The following ELP4 variants were observed in gnomAD, a reference collection of about 807,000 sequenced individuals.
ELP4 encodes elongator acetyltransferase complex subunit 4.
A neutral mutation model predicts 48.9 loss-of-function variants in ELP4; 51 were observed. That is an observed-to-expected ratio of 1.04 (90% CI 0.83 to 1.32). The LOEUF (loss-of-function observed/expected upper bound fraction) is 1.32. Ranked by LOEUF, ELP4 falls within the 40% of genes most tolerant of loss-of-function variation. The pLI is 0.00. For missense variants in ELP4, 519 were observed against 514.6 expected (o/e 1.01, Z -0.08); for synonymous variants, 210 against 189.2 (o/e 1.11, Z -0.90).
At chr11:31,751,728 CTTAA>C (rs1429048631) in intron 9 of ELP4, among the ~76,000 whole-genome samples, 2 of 152,148 alleles carry the variant, frequency 1.3e-5, no homozygotes, top group Admixed American at 6.5e-5. Context: ...ATGTCTAAAA[CTTAA>C]TTAATCGCCT....
chr11:31,540,964 T>C (rs980979952), intron 3 of ELP4, among the ~76,000 whole-genome samples: 2 of 152,242 alleles, frequency 1.3e-5, no homozygotes, highest in East Asian at 1.9e-4. Context: ...GAGGACACTT[T>C]TAACTTTTAG....
intron 5 of ELP4, among the ~76,000 whole-genome samples, chr11:31,608,864 C>G (rs1329439675): frequency 6.6e-6 from 1 of 152,050 alleles, no homozygotes; most frequent in African/African-American, 2.4e-5. Flanking sequence ...GCTGGCCCTG[C>G]TATCGATTAG....
intron 9 of ELP4, among the ~76,000 whole-genome samples, chr11:31,749,290 A>G (rs967726105): frequency 6.6e-6 from 1 of 152,262 alleles, no homozygotes; most frequent in Non-Finnish European, 1.5e-5. Context: ...AGTTTATGAA[A>G]GCATCAGAAA....
intron 9 of ELP4, among the ~76,000 whole-genome samples, chr11:31,712,828 T>C (rs551785133): frequency 1.8e-4 from 28 of 152,316 alleles, no homozygotes; most frequent in Admixed American, 1.5e-3. Context: ...TCTTTCTAAT[T>C]AGAATGTAAA....
intron 3 of ELP4, among the ~76,000 whole-genome samples, chr11:31,546,219 T>G (rs1213194466): frequency 6.6e-6 from 1 of 151,996 alleles, no homozygotes; most frequent in African/African-American, 2.4e-5. Flanking sequence ...GACCCATCAG[T>G]GTGCTGTATT....
At chr11:31,621,824 ACAGGCTTTT>A (rs374532758) in intron 5 of ELP4, among the ~76,000 whole-genome samples, 10 of 151,952 alleles carry the variant, frequency 6.6e-5, no homozygotes, top group African/African-American at 2.4e-4. Context: ...CCACATTACC[ACAGGCTTTT>A]CATTGAATCT....
chr11:31,657,858 T>TA (rs946640150), intron 9 of ELP4, among the ~76,000 whole-genome samples: 11 of 151,722 alleles, frequency 7.3e-5, no homozygotes, highest in East Asian at 1.9e-4. Flanking sequence ...TTATTAATTT[T>TA]AAAAAAAATA....
chr11:31,521,250 C>T (rs925412460), intron 2 of ELP4, among the ~76,000 whole-genome samples: 1 of 150,946 alleles, frequency 6.6e-6, no homozygotes, highest in Non-Finnish European at 1.5e-5. Context: ...TTATTTAACT[C>T]TTACTGTTGG....
intron 9 of ELP4, chr11:31,767,175 T>C (rs959547200): frequency 6.6e-5 from 10 of 152,200 alleles, no homozygotes; most frequent in African/African-American, 2.4e-4. Context: ...CCCTCCACTA[T>C]TTCATTTTGG....
At chr11:31,602,466 A>T (rs1261968420) in intron 4 of ELP4, among the ~76,000 whole-genome samples, 1 of 151,970 alleles carries the variant, frequency 6.6e-6, no homozygotes, top group East Asian at 1.9e-4. Context: ...GATTAGATTG[A>T]AGCAAACTGA....
At chr11:31,736,769 A>G (rs1947327739) in intron 9 of ELP4, among the ~76,000 whole-genome samples, 1 of 152,224 alleles carries the variant, frequency 6.6e-6, no homozygotes, top group South Asian at 2.1e-4. Context: ...AATCAAAACC[A>G]CAATGAGATA....
chr11:31,720,256 G>C (rs996008818), intron 9 of ELP4, among the ~76,000 whole-genome samples: 5 of 152,028 alleles, frequency 3.3e-5, no homozygotes, highest in African/African-American at 4.8e-5. Flanking sequence ...TTCAAATGCT[G>C]TTTGTCCTCC....
chr11:31,545,302 G>A (rs1486676361), intron 3 of ELP4, among the ~76,000 whole-genome samples: 1 of 152,228 alleles, frequency 6.6e-6, no homozygotes, highest in African/African-American at 2.4e-5. Flanking sequence ...AGCTGATGGA[G>A]CTGAAAGCCA....
intron 9 of ELP4, among the ~76,000 whole-genome samples, chr11:31,678,994 T>G (rs138877495): frequency 6.6e-6 from 1 of 152,216 alleles, no homozygotes; most frequent in South Asian, 2.1e-4. Context: ...ATTATTGTTT[T>G]AGTTTGCAAT....
At chr11:31,564,219 T>A (rs1289530303) in intron 3 of ELP4, among the ~76,000 whole-genome samples, 1 of 152,148 alleles carries the variant, frequency 6.6e-6, no homozygotes, top group Non-Finnish European at 1.5e-5. Context: ...AACAAAAGTA[T>A]CAGAATGTTC....
chr11:31,571,485 C>T (rs1439250171), intron 3 of ELP4, among the ~76,000 whole-genome samples: 1 of 152,132 alleles, frequency 6.6e-6, no homozygotes, highest in Non-Finnish European at 1.5e-5. Flanking sequence ...TCAACTTCTC[C>T]CAAACTCCTG....
rs1001515618 is a variant in ELP4 at position 31,785,971 on chromosome 11, TGGTAC to T, written c.*2448_*2452del. 9.9e-6 allele frequency: 2 copies of T among 201,978 alleles called. No individual in the cohort carries two copies. The highest frequency in any genetic ancestry group is 2.0e-5 in the Non-Finnish European group (2 of 98,186). The allele number at this position is 201,978 out of a possible 1,614,324, so 12.5% of individuals were successfully genotyped here. A position where few individuals can be genotyped will look rare whatever the true frequency, so the allele number is the denominator to read the frequency against. ...AGTATATGAACTTCAAAACCCTATATGGTACTCATTTCTTACACTAGATTTGCCTT... is the reference window on the plus strand; with the variant it reads ...AGTATATGAACTTCAAAACCCTATATTCATTTCTTACACTAGATTTGCCTT... On this transcript the variant is annotated 3_prime_UTR_variant, in exon 10 of 10. Coordinates refer to ENST00000640961, the MANE Select transcript of ELP4 (RefSeq NM_019040.5).
intron 9 of ELP4, among the ~76,000 whole-genome samples, chr11:31,772,288 C>T (rs537415708): frequency 3.9e-5 from 6 of 152,120 alleles, no homozygotes; most frequent in Admixed American, 2.0e-4. Flanking sequence ...CCATGATGCC[C>T]GGCTAGTTTT....
intron 3 of ELP4, among the ~76,000 whole-genome samples, chr11:31,544,064 G>A (rs908567202): frequency 2.0e-5 from 3 of 152,236 alleles, no homozygotes; most frequent in African/African-American, 7.2e-5. Context: ...AGCTCCCAGC[G>A]TGAGCGACGC....
Sources: allele counts gnomAD v4.1 joint callset (sites outside exome capture counted in the v4.1 genomes callset), GRCh38; gene constraint gnomAD v4.1.1; transcripts MANE v1.5; gene names NCBI Gene and HGNC (gene_info 2026-07-23, HGNC 2026-07-21).